The following RELN variants were observed in gnomAD, a reference collection of about 807,000 sequenced individuals.
RELN encodes the protein reelin.
RELN carries 108 observed loss-of-function variants against 427.6 expected under a neutral mutation model. The ratio of observed to expected loss-of-function variants is 0.25; its 90% CI spans 0.22 to 0.30. RELN has a LOEUF of 0.30. Among genes scored for constraint, RELN ranks in the 10% least tolerant of loss-of-function variants. The pLI is 1.00. For missense variants in RELN, 3,715 were observed against 4,302.8 expected (o/e 0.86, Z 3.82); for synonymous variants, 1,524 against 1,513.4 (o/e 1.01, Z -0.16).
intron 6 of RELN, 44 bp downstream of exon 6, chr7:103,749,382 G>A (rs556675755): frequency 6.9e-7 from 1 of 1,440,886 alleles, no homozygotes; most frequent in African/African-American, 1.4e-5. Flanking sequence ...AGCATCATTT[G>A]TTACATTAAG....
At chr7:103,987,434 G>T (rs1797125735) in intron 1 of RELN, among the ~76,000 whole-genome samples, 1 of 152,128 alleles carries the variant, frequency 6.6e-6, no homozygotes, top group East Asian at 1.9e-4. Flanking sequence ...ATGATATTTT[G>T]GTGTTTTTAG....
At chr7:103,896,652 T>C (rs1442366353) in intron 2 of RELN, among the ~76,000 whole-genome samples, 2 of 151,952 alleles carry the variant, frequency 1.3e-5, no homozygotes, top group Non-Finnish European at 2.9e-5. Flanking sequence ...ATTAGGGTAA[T>C]GATAGGGAAG....
chr7:103,549,021 A>G (rs916912194), intron 41 of RELN, among the ~76,000 whole-genome samples: 1 of 151,972 alleles, frequency 6.6e-6, no homozygotes, highest in Non-Finnish European at 1.5e-5. Context: ...TTCGTTTTCT[A>G]TTTAATTCTT....
chr7:103,491,856 TCACACACACACA>T (rs71110838), intron 58 of RELN, 85 bp downstream of exon 58: 283 of 288,512 alleles, frequency 9.8e-4, no homozygotes, highest in Non-Finnish European at 1.4e-3. Flanking sequence ...TCTCTCTCTC[TCACACACACACA>T]CACACACACA....
At chr7:103,651,893 C>T (rs1832923931) in intron 14 of RELN, 104 bp from the exon 15 acceptor site, 4 of 1,245,146 alleles carry the variant, frequency 3.2e-6, no homozygotes, top group Non-Finnish European at 4.6e-6. Flanking sequence ...ACTGTAAAAA[C>T]AGTGTAAAAT....
intron 2 of RELN, among the ~76,000 whole-genome samples, chr7:103,843,525 C>A (rs1041741973): frequency 2.0e-5 from 3 of 152,150 alleles, no homozygotes; most frequent in Non-Finnish European, 4.4e-5. Context: ...CCAATAGAAA[C>A]CCTGTCCAAA....
chr7:103,806,733 C>G (rs901066081), intron 3 of RELN, among the ~76,000 whole-genome samples: 17 of 152,148 alleles, frequency 1.1e-4, no homozygotes, highest in Admixed American at 1.1e-3. Context: ...GAATTATTAT[C>G]TTTTTAAAAA....
chr7:103,737,449 T>C (rs491263), intron 6 of RELN, among the ~76,000 whole-genome samples: 96,698 of 152,116 alleles, frequency 0.64, 31,661 homozygotes, highest in African/African-American at 0.81. Flanking sequence ...TGGAGGAGTC[T>C]TCTGTTTTTT....
At chr7:103,568,474 G>A (rs1830811819) in intron 31 of RELN, among the ~76,000 whole-genome samples, 1 of 152,196 alleles carries the variant, frequency 6.6e-6, no homozygotes, top group Non-Finnish European at 1.5e-5. Flanking sequence ...CAGGTGTGGG[G>A]ATGAGGGTTA....
intron 6 of RELN, among the ~76,000 whole-genome samples, chr7:103,743,794 A>G (rs1034738177): frequency 1.3e-5 from 2 of 152,126 alleles, no homozygotes; most frequent in Non-Finnish European, 2.9e-5. Context: ...AGAGACTTAG[A>G]CTCCCACACA....
chr7:103,914,424 T>C (rs946926210), intron 2 of RELN, among the ~76,000 whole-genome samples: 1 of 152,132 alleles, frequency 6.6e-6, no homozygotes, highest in Non-Finnish European at 1.5e-5. Context: ...TCAACCTATA[T>C]ATCCCAGATT....
intron 1 of RELN, among the ~76,000 whole-genome samples, chr7:103,923,540 G>C (rs1179609658): frequency 6.6e-6 from 1 of 152,148 alleles, no homozygotes; most frequent in African/African-American, 2.4e-5. Context: ...TGAATCCATA[G>C]AAATGAAAAG....
chr7:103,625,715 A>G (rs1183295587), intron 20 of RELN, among the ~76,000 whole-genome samples: 1 of 149,702 alleles, frequency 6.7e-6, no homozygotes, highest in Non-Finnish European at 1.5e-5. Context: ...AAATTAAAAA[A>G]GATAACATGC....
At chr7:103,734,292 G>T (rs1241474202) in intron 6 of RELN, among the ~76,000 whole-genome samples, 1 of 152,082 alleles carries the variant, frequency 6.6e-6, no homozygotes, top group African/African-American at 2.4e-5. Flanking sequence ...AAAGGAATGT[G>T]ACCTCTCAAC....
chr7:103,821,634 A>C (rs191079170), intron 3 of RELN, among the ~76,000 whole-genome samples: 70 of 152,252 alleles, frequency 4.6e-4, no homozygotes, highest in Middle Eastern at 3.4e-3. Flanking sequence ...ATGCCATCTC[A>C]AATCTGAGCA....
intron 2 of RELN, among the ~76,000 whole-genome samples, chr7:103,906,706 T>C (rs1394292717): frequency 6.6e-6 from 1 of 152,172 alleles, no homozygotes; most frequent in Non-Finnish European, 1.5e-5. Flanking sequence ...TGACATAGCT[T>C]GGCTTTTGTA....
intron 4 of RELN, among the ~76,000 whole-genome samples, chr7:103,770,162 G>C (rs1450620536): frequency 1.3e-5 from 2 of 152,220 alleles, no homozygotes; most frequent in African/African-American, 4.8e-5. Flanking sequence ...TCGGCTCACT[G>C]CTACCCCCAC....
At chr7:103,567,478 G>C (rs980609060) in intron 31 of RELN, among the ~76,000 whole-genome samples, 1 of 152,162 alleles carries the variant, frequency 6.6e-6, no homozygotes, top group African/African-American at 2.4e-5. Flanking sequence ...CAGAGAAAGC[G>C]CAATGTTGAA....
chr7:103,544,342 G>GA (rs1830242205), intron 42 of RELN, among the ~76,000 whole-genome samples: 1 of 143,406 alleles, frequency 7.0e-6, no homozygotes, highest in Admixed American at 7.4e-5. Context: ...AGGTTCAAGC[G>GA]AATCACCTCC....
Sources: gnomAD v4.1 joint callset for allele counts (sites outside exome capture counted in the v4.1 genomes callset) on GRCh38, gnomAD v4.1.1 for gene constraint, MANE v1.5 for transcripts, NCBI Gene and HGNC (gene_info 2026-07-23, HGNC 2026-07-21) for gene names.